The following SYN2 variants were observed in gnomAD, a reference collection of about 807,000 sequenced individuals.
SYN2 encodes the protein synapsin-2.
In SYN2, 19 loss-of-function variants were observed where a neutral mutation model predicts 50.9. The observed-to-expected ratio is 0.37, with a 90% confidence interval of 0.26 to 0.55. The LOEUF is 0.55. SYN2 is among the 20% of genes least tolerant of loss of function. SYN2 has a pLI of 0.81. For synonymous variants in SYN2, 255 were observed against 224.9 expected (o/e 1.13, Z -1.20); for missense variants, 587 against 576.4 (o/e 1.02, Z -0.19).
At chr3:12,072,463 A>G (rs1695377470) in intron 1 of SYN2, among the ~76,000 whole-genome samples, 1 of 152,190 alleles carries the variant, frequency 6.6e-6, no homozygotes. Context: ...TAGCTCTTAC[A>G]TTTAAGCCCT....
chr3:12,093,535 C>T (rs574515881), intron 1 of SYN2, among the ~76,000 whole-genome samples: 1 of 152,236 alleles, frequency 6.6e-6, no homozygotes, highest in African/African-American at 2.4e-5. Flanking sequence ...CACTGAAGTA[C>T]ATTTGGTCTT....
In SYN2 at chr3:12,126,170, A is replaced by G. The variant is rs547682032; in HGVS notation, c.378-14481A>G. Among the ~76,000 whole-genome samples, 6 of 152,334 alleles carry G rather than the reference A, an allele frequency of 3.9e-5. No homozygotes were observed. The East Asian group carries it at 9.6e-4, about 24-fold the overall frequency. ...ATTTAAGTAGAAATCTCGCTTCTAG[A>G]GAGTACTGTCAAGGTTTCTGCTTCA... On this transcript the variant is annotated intron_variant, in intron 1 of 12. Transcript: ENST00000621198.
At chr3:12,170,867 C>T (rs1304750471) in intron 10 of SYN2, among the ~76,000 whole-genome samples, 1 of 152,088 alleles carries the variant, frequency 6.6e-6, no homozygotes, top group Non-Finnish European at 1.5e-5. Context: ...TGAGAACTAC[C>T]CAAATTTGAA....
chr3:12,142,187 G>C (rs1027642281), intron 3 of SYN2, among the ~76,000 whole-genome samples, 191 bp downstream of exon 3: 1 of 152,204 alleles, frequency 6.6e-6, no homozygotes, highest in Non-Finnish European at 1.5e-5. Flanking sequence ...GCTGAGCTTA[G>C]TCCAGTGGTA....
At chr3:12,029,219 C>G (rs1200060650) in intron 1 of SYN2, among the ~76,000 whole-genome samples, 2 of 131,280 alleles carry the variant, frequency 1.5e-5, no homozygotes, top group East Asian at 4.2e-4. Context: ...GGGCTCTGTT[C>G]TGTTCCATTC....
At chr3:12,039,273 C>CT (rs1694561974) in intron 1 of SYN2, among the ~76,000 whole-genome samples, 1 of 151,882 alleles carries the variant, frequency 6.6e-6, no homozygotes, top group African/African-American at 2.4e-5. Flanking sequence ...TTATATAATC[C>CT]TTTATCTATT....
At chr3:12,120,964 A>G (rs1370991908) in intron 1 of SYN2, among the ~76,000 whole-genome samples, 1 of 152,148 alleles carries the variant, frequency 6.6e-6, no homozygotes, top group Non-Finnish European at 1.5e-5. Context: ...CCCCTCTGTT[A>G]TAGTATCATA....
chr3:12,154,235 T>G lies in SYN2; in HGVS notation c.774+2909T>G. 3.8e-6 allele frequency: 6 copies of G among 1,561,492 alleles called. No homozygotes were observed. In the South Asian group the frequency reaches 6.9e-5, roughly 18 times the overall value. ...AACTTCATACAGTGCAGATCTCAAG[T>G]ATAGTCTAGTAAGTGAATAAATTCA... On this transcript the variant is annotated intron_variant, in intron 5 of 12. Transcript: ENST00000621198.
chr3:12,184,792 C>G, intron 11 of SYN2: 1 of 985,950 alleles, frequency 1.0e-6, no homozygotes, highest in Non-Finnish European at 1.2e-6. Flanking sequence ...CCTCATCTTG[C>G]CATCTCCCGG....
At chr3:12,153,637 G>C (rs139407450) in intron 5 of SYN2, 1 of 1,614,064 alleles carries the variant, frequency 6.2e-7, no homozygotes, top group Non-Finnish European at 8.5e-7. Context: ...TAGAGCTTTC[G>C]TTCCAACAGC....
chr3:12,055,993 A>G (rs1694980299), intron 1 of SYN2, among the ~76,000 whole-genome samples: 2 of 152,214 alleles, frequency 1.3e-5, no homozygotes, highest in African/African-American at 4.8e-5. Context: ...AACACAAAGA[A>G]TGGAGAAAGA....
intron 1 of SYN2, among the ~76,000 whole-genome samples, chr3:12,098,586 G>T (rs1695995170): frequency 6.6e-6 from 1 of 151,776 alleles, no homozygotes; most frequent in South Asian, 2.1e-4. Flanking sequence ...AAATGACAAA[G>T]GTATTTAAAT....
chr3:12,158,501 A>G (rs1697527700), intron 5 of SYN2: 2 of 696,852 alleles, frequency 2.9e-6, no homozygotes, highest in Non-Finnish European at 4.6e-6. Flanking sequence ...TGAAATCTTC[A>G]TTTCCTTATG....
At chr3:12,083,979 A>T in intron 1 of SYN2, among the ~76,000 whole-genome samples, 1 of 152,160 alleles carries the variant, frequency 6.6e-6, no homozygotes, top group South Asian at 2.1e-4. Context: ...ATGCTGGAAT[A>T]GTCCCCTTGT....
chr3:12,060,844 A>C (rs376272268), intron 1 of SYN2, among the ~76,000 whole-genome samples: 1 of 152,194 alleles, frequency 6.6e-6, no homozygotes, highest in Non-Finnish European at 1.5e-5. Context: ...AAAAATTACA[A>C]GTCATGCTAA....
intron 1 of SYN2, among the ~76,000 whole-genome samples, chr3:12,126,866 A>G (rs1696681977): frequency 6.6e-6 from 1 of 152,218 alleles, no homozygotes; most frequent in Non-Finnish European, 1.5e-5. Context: ...CTTGTACTTT[A>G]GATAACAATC....
chr3:12,070,719 T>C, intron 1 of SYN2: 3 of 939,172 alleles, frequency 3.2e-6, no homozygotes, highest in Admixed American at 1.9e-5. Context: ...GGGTCACTCA[T>C]ACAGTGCCCA....
At chr3:12,051,027 G>A (rs1694849516) in intron 1 of SYN2, among the ~76,000 whole-genome samples, 1 of 151,972 alleles carries the variant, frequency 6.6e-6, no homozygotes, top group African/African-American at 2.4e-5. Context: ...GAGCCACCGC[G>A]CCCGGCCTCT....
At chr3:12,116,338 G>A (rs1285255787) in intron 1 of SYN2, among the ~76,000 whole-genome samples, 1 of 152,182 alleles carries the variant, frequency 6.6e-6, no homozygotes. Flanking sequence ...AAGAGGGGAA[G>A]ATAATAGGGA....
Sources: gnomAD v4.1 joint callset for allele counts (sites outside exome capture counted in the v4.1 genomes callset) on GRCh38, gnomAD v4.1.1 for gene constraint, MANE v1.5 for transcripts, NCBI Gene and HGNC (gene_info 2026-07-23, HGNC 2026-07-21) for gene names.